SCN3A: variants seen among roughly 807,000 people sequenced by gnomAD.
SCN3A encodes the protein sodium voltage-gated channel alpha subunit 3.
Under a neutral mutation model 187.6 loss-of-function variants are expected in SCN3A, and 60 were observed. That is an observed-to-expected ratio of 0.32 (90% CI 0.26 to 0.40). SCN3A has a LOEUF of 0.40. Ranked by LOEUF, SCN3A falls within the 10% of genes least tolerant of loss-of-function variation. SCN3A has a pLI of 1.00. For missense variants in SCN3A, 1,601 were observed against 2,428.2 expected (o/e 0.66, Z 7.16); for synonymous variants, 788 against 829.2 (o/e 0.95, Z 0.85).
In SCN3A at chr2:165,140,797, C is replaced by T. The variant is rs773871220; in HGVS notation, c.1873G>A (p.Val625Ile). 2.5e-6 allele frequency: 4 copies of T among 1,614,136 alleles called. No individual in the cohort carries two copies. The highest frequency in any genetic ancestry group is 3.3e-5 in the Admixed American group (2 of 60,008). Reference sequence around the variant, plus strand: ...CTGGATGACATACTGGCCTGACTAACGTTACTGTTGCGTCGCTCTCCATGT... The same window carrying T: ...CTGGATGACATACTGGCCTGACTAATGTTACTGTTGCGTCGCTCTCCATGT... ...HRHGERRNSN[V>I]SQASMSSRMV... The change falls in exon 13 of 28, where the codon GTT (valine) becomes ATT (isoleucine). Residue 625 changes from valine to isoleucine, a missense_variant. Coordinates refer to ENST00000283254, the MANE Select transcript of SCN3A (RefSeq NM_006922.4). The surrounding 1 kb of genome is among the most constrained non-coding windows in gnomAD (Gnocchi z 4.2).
At chr2:165,181,341 C>A (rs1690858183) in intron 2 of SCN3A, among the ~76,000 whole-genome samples, 1 of 152,130 alleles carries the variant, frequency 6.6e-6, no homozygotes, top group Non-Finnish European at 1.5e-5. Flanking sequence ...AATCAAAAGC[C>A]ATATCAATGA....
intron 21 of SCN3A, among the ~76,000 whole-genome samples, chr2:165,101,492 G>A (rs1009371832): frequency 6.6e-6 from 1 of 152,004 alleles, no homozygotes; most frequent in African/African-American, 2.4e-5. Context: ...TAGAATTGGC[G>A]ATTTGAACCC....
At chr2:165,115,290 C>T (rs1358058789) in intron 19 of SCN3A, among the ~76,000 whole-genome samples, 165 bp downstream of exon 19, 1 of 151,430 alleles carries the variant, frequency 6.6e-6, no homozygotes, top group African/African-American at 2.4e-5. Flanking sequence ...TGGTCTCAAA[C>T]TCCTGGGGTC....
Position 165,092,649 on chromosome 2 carries a change from C to T in SCN3A, c.4537-125G>A. The stretch of plus-strand genomic sequence containing the variant: ...TGCACCCTCCTCATATTACCCCAAA[C>T]AATTTTGTGTGCTTTTTTTCTCTTC... On this transcript the variant is annotated intron_variant, in intron 26 of 27. Coordinates refer to ENST00000283254, the MANE Select transcript of SCN3A (RefSeq NM_006922.4). This position sits in a 1 kb window ranked among gnomAD's most constrained non-coding sequence, Gnocchi z 4.2. 3 of 848,842 alleles carry T rather than the reference C, an allele frequency of 3.5e-6. No homozygotes were observed. Among genetic ancestry groups the T allele is most frequent in the Non-Finnish European group, 5.5e-6 (3 of 548,278 alleles). 52.6% of individuals were successfully genotyped at this position (848,842 alleles called of 1,614,324 possible). A position where few individuals can be genotyped will look rare whatever the true frequency, so the allele number is the denominator to read the frequency against.
intron 1 of SCN3A, among the ~76,000 whole-genome samples, chr2:165,187,045 C>G (rs1691288698): frequency 6.6e-6 from 1 of 152,108 alleles, no homozygotes; most frequent in Admixed American, 6.6e-5. Flanking sequence ...TCCTGAGCAT[C>G]CTTCTGTTCT....
intron 5 of SCN3A, among the ~76,000 whole-genome samples, chr2:165,168,150 T>C (rs915432218): frequency 6.6e-6 from 1 of 152,032 alleles, no homozygotes; most frequent in Non-Finnish European, 1.5e-5. Context: ...AGTTTTACTC[T>C]CCCCCAATCA....
In SCN3A at chr2:165,170,453, A is replaced by G. The variant is rs774055021; in HGVS notation, c.360T>C (p.Ile120=). Residue 120 remains isoleucine, a synonymous_variant, in exon 4 of 28, where the codon ATT becomes ATC. Coordinates refer to ENST00000283254, the MANE Select transcript of SCN3A (RefSeq NM_006922.4). ...ILTPLNPVRK[I]AIKILVHSLF... ...ATGAATGTACCAAAATCTTGATAGC[A>G]ATTTTCCTAACAGGGTTTAGTGGAG... The G allele has an allele frequency of 4.4e-6, 7 of 1,607,226 alleles. No homozygotes were observed. The East Asian group carries it at 1.3e-4, about 31-fold the overall frequency.
rs146205222 is a variant in SCN3A, at chr2:165,162,266, G to A, written c.1031+42C>T. 1,068 of 1,504,710 alleles carry A rather than the reference G, an allele frequency of 7.1e-4. 4 individuals carry two copies. The East Asian group carries it at 0.022, about 31-fold the overall frequency. 93.2% of individuals were successfully genotyped at this position (1,504,710 alleles called of 1,614,324 possible). A position where few individuals can be genotyped will look rare whatever the true frequency, so the allele number is the denominator to read the frequency against. ...GTTTTCCTACCTACTTTTTTTTTTC[G>A]CAAAGAGTTCTATATCTTAAAAAAT... On this transcript the variant is annotated intron_variant, in intron 9 of 27. Transcript: ENST00000283254.
intron 24 of SCN3A, 103 bp downstream of exon 24, chr2:165,096,364 A>G: frequency 1.2e-6 from 1 of 860,608 alleles, no homozygotes; most frequent in South Asian, 1.4e-5. Flanking sequence ...ATGCAATATT[A>G]AATGTTCTAA....
At chr2:165,155,355 C>T (rs1207583047) in intron 10 of SCN3A, among the ~76,000 whole-genome samples, 1 of 151,946 alleles carries the variant, frequency 6.6e-6, no homozygotes, top group Non-Finnish European at 1.5e-5. Flanking sequence ...CTTCCATTCC[C>T]TTCTCTCCCT....
At chr2:165,163,921 A>T (rs1689571627) in intron 6 of SCN3A, 2 of 1,599,714 alleles carry the variant, frequency 1.3e-6, no homozygotes, top group Non-Finnish European at 1.7e-6. Flanking sequence ...AGTTACTGAT[A>T]GTTTTGGCAA....
At position 165,090,146 on chromosome 2, in the gene SCN3A, C is replaced by CT; in HGVS notation, c.*3dup. 6.4e-7 allele frequency: 1 copy of CT among 1,569,684 alleles called. No homozygotes were observed. The highest frequency in any genetic ancestry group is 8.7e-7 in the Non-Finnish European group (1 of 1,153,952). Reference sequence around the variant, plus strand: ...TGATCACAAAGATAATTCTTTGTTTCTTTTTACTTTTGATTTTCTCTGACC... The same window carrying CT: ...TGATCACAAAGATAATTCTTTGTTTCTTTTTTACTTTTGATTTTCTCTGACC... On this transcript the variant is annotated 3_prime_UTR_variant, in exon 28 of 28. Coordinates refer to ENST00000283254, the MANE Select transcript of SCN3A (RefSeq NM_006922.4). This position sits in a 1 kb window ranked among gnomAD's most constrained non-coding sequence, Gnocchi z 4.0.
At chr2:165,147,091 G>A in intron 11 of SCN3A, 62 bp from the exon 12 acceptor site, 1 of 1,588,530 alleles carries the variant, frequency 6.3e-7, no homozygotes, top group South Asian at 1.1e-5. Flanking sequence ...GTTGAGTATG[G>A]TTAAAATATT....
chr2:165,116,943 ATT>A (rs11395597), intron 18 of SCN3A, among the ~76,000 whole-genome samples: 161 of 118,192 alleles, frequency 1.4e-3, no homozygotes, highest in African/African-American at 4.5e-3. Context: ...TGATAGCACA[ATT>A]TTTTTTTTTT....
intron 9 of SCN3A, among the ~76,000 whole-genome samples, chr2:165,158,095 TG>T (rs1689170108): frequency 1.3e-5 from 2 of 152,182 alleles, no homozygotes; most frequent in Non-Finnish European, 2.9e-5. Flanking sequence ...TTGTTGCTAC[TG>T]GGGTGTCATT....
At chr2:165,170,293 T>C in intron 4 of SCN3A, 137 bp downstream of exon 4, 2 of 638,766 alleles carry the variant, frequency 3.1e-6, no homozygotes, top group Non-Finnish European at 5.7e-6. Context: ...GGAAAACCAA[T>C]GCAAATAAAT....
intron 11 of SCN3A, among the ~76,000 whole-genome samples, chr2:165,150,193 T>A (rs1198158879): frequency 6.6e-6 from 1 of 152,216 alleles, no homozygotes; most frequent in Non-Finnish European, 1.5e-5. Context: ...GCAGGGTTTG[T>A]GTTTCTCCAC....
intron 11 of SCN3A, among the ~76,000 whole-genome samples, chr2:165,153,987 A>ATTTTTTTTTT (rs71393659): frequency 0.079 from 7,261 of 92,442 alleles, 928 homozygotes; most frequent in Non-Finnish European, 0.091. Context: ...TATAGCAAAC[A>ATTTTTTTTTT]TTTTTTTTTT....
intron 1 of SCN3A, among the ~76,000 whole-genome samples, chr2:165,199,953 G>C (rs1390788674): frequency 6.6e-6 from 1 of 152,020 alleles, no homozygotes; most frequent in Admixed American, 6.6e-5. Context: ...CTCAATCAAA[G>C]ATAAATGTGT....
Sources: gnomAD v4.1 joint callset for allele counts (sites outside exome capture counted in the v4.1 genomes callset) on GRCh38, gnomAD v4.1.1 for gene constraint, Gnocchi (gnomAD v3.1) non-coding constraint, MANE v1.5 for transcripts, NCBI Gene and HGNC (gene_info 2026-07-23, HGNC 2026-07-21) for gene names.